Variants in WDR25 observed in about 807,000 individuals in gnomAD.
WDR25 encodes the protein WD repeat domain 25.
In WDR25, 35 loss-of-function variants were observed where a neutral mutation model predicts 47.7. The ratio of observed to expected loss-of-function variants is 0.73; its 90% CI spans 0.56 to 0.97. The LOEUF is 0.97. Among genes scored for constraint, WDR25 ranks in the 50% least tolerant of loss-of-function variants. The probability of loss-of-function intolerance (pLI) is 0.00; values close to 1 mark genes in which losing one functional copy is unlikely to be tolerated. For missense variants in WDR25, 634 were observed against 704.7 expected, an observed-to-expected ratio of 0.90 and a Z score of 1.14; for synonymous variants, 248 against 278.9, an observed-to-expected ratio of 0.89 and a Z score of 1.10.
chr14:100,490,331 C>G (rs193207933), intron 4 of WDR25, among the ~76,000 whole-genome samples: 1 of 152,388 alleles, frequency 6.6e-6, no homozygotes, highest in East Asian at 1.9e-4. Flanking sequence ...GCATGAATGA[C>G]TGATAGCTCT....
intron 2 of WDR25, among the ~76,000 whole-genome samples, chr14:100,415,162 C>T (rs1227741620): frequency 1.3e-5 from 2 of 152,088 alleles, no homozygotes; most frequent in South Asian, 4.2e-4. Flanking sequence ...GCTTAAGCTA[C>T]TAAGGATGAG....
In WDR25 at chr14:100,449,892, C is replaced by A. The variant is rs1295626588; in HGVS notation, c.823-18129C>A. On this transcript the variant is annotated intron_variant, in intron 2 of 6. Transcript: ENST00000402312. This position sits in a 1 kb window ranked among gnomAD's most constrained non-coding sequence, Gnocchi z 4.2. ...GCTGTTACGCCATGTGCCACGACAC[C>A]CTGCCTTCTCCCCTGCTCCCCTTCT... Among the ~76,000 whole-genome samples, 1 of 152,118 alleles carries A rather than the reference C, an allele frequency of 6.6e-6. No individual in the cohort carries two copies. The highest frequency in any genetic ancestry group is 1.5e-5 in the Non-Finnish European group (1 of 67,998).
chr14:100,380,979 G>A lies in WDR25; in HGVS notation c.55G>A (p.Asp19Asn), dbSNP rs775979746. The change falls in exon 2 of 7, where the codon GAC becomes AAC. Residue 19 changes from aspartate (D) to asparagine (N), a missense_variant. By Grantham distance (23) the Asp-to-Asn change is conservative (BLOSUM62 1). Transcript: ENST00000402312. ...MASLVAYDDS[D>N]SEAETEHAGS... ...TTCATTGGTAGCGTATGATGATTCG[G>A]ACTCGGAGGCTGAGACAGAGCATGC... is the stretch of plus-strand genomic sequence containing the variant. The A allele has an allele frequency of 6.2e-7, 1 of 1,614,218 alleles. No homozygotes were observed. Among genetic ancestry groups the A allele is most frequent in the South Asian group, 1.1e-5 (1 of 91,082 alleles).
chr14:100,457,422 G>A (rs1019842272), intron 2 of WDR25, among the ~76,000 whole-genome samples: 8 of 152,190 alleles, frequency 5.3e-5, no homozygotes, highest in African/African-American at 1.9e-4. Flanking sequence ...GAAAGGAAAA[G>A]CCAAAACCAA....
chr14:100,403,264 A>G (rs1272955084), intron 2 of WDR25, among the ~76,000 whole-genome samples: 1 of 152,162 alleles, frequency 6.6e-6, no homozygotes, highest in African/African-American at 2.4e-5. Context: ...TCATCTCTGG[A>G]TCCTAGGGAG....
In WDR25 at chr14:100,381,497, A is replaced by T; in HGVS notation, c.573A>T (p.Thr191=). 6.2e-7 allele frequency: 1 copy of T among 1,614,196 alleles called. No individual in the cohort carries two copies. The highest frequency in any genetic ancestry group is 8.5e-7 in the Non-Finnish European group (1 of 1,180,028). ...LRQRQALSTE[T]GKGKDVEPQG... is the part of the protein sequence containing the mutation. The stretch of plus-strand genomic sequence containing the variant: ...AGCGGCAGGCATTAAGCACGGAGAC[A>T]GGCAAGGGTAAAGACGTGGAGCCAC... Residue 191 remains threonine, a synonymous_variant, in exon 2 of 7, where the codon ACA becomes ACT. Coordinates refer to ENST00000402312, the MANE Select transcript of WDR25 (RefSeq NM_001161476.3).
At chr14:100,448,759 A>G (rs530245983) in intron 2 of WDR25, among the ~76,000 whole-genome samples, 1 of 152,160 alleles carries the variant, frequency 6.6e-6, no homozygotes, top group Admixed American at 6.5e-5. Context: ...CAGGGCAATG[A>G]CTGGAGGTGG....
At chr14:100,396,806 T>C (rs1595498328) in intron 2 of WDR25, among the ~76,000 whole-genome samples, 1 of 151,954 alleles carries the variant, frequency 6.6e-6, no homozygotes. Flanking sequence ...ACTGCCAGAG[T>C]TGTTTTGCTC....
chr14:100,394,237 TGAG>T (rs924723513), intron 2 of WDR25, among the ~76,000 whole-genome samples: 16 of 152,300 alleles, frequency 1.1e-4, no homozygotes, highest in African/African-American at 3.4e-4. Context: ...AGCAGACTCT[TGAG>T]GAGCTCAGGT....
chr14:100,518,094 C>G (rs1901568885), intron 4 of WDR25, among the ~76,000 whole-genome samples: 1 of 152,168 alleles, frequency 6.6e-6, no homozygotes, highest in Non-Finnish European at 1.5e-5. Context: ...CCCTGAAGCT[C>G]CAAGTTTTCC....
chr14:100,496,374 G>A lies in WDR25; in HGVS notation c.1101+12250G>A, dbSNP rs545245256. Reference sequence around the variant, plus strand: ...GTCTCCTCTTTCATTCCTGATAATGGTATTTGTGTCTTTTTACTCAGTCAT... The same window carrying A: ...GTCTCCTCTTTCATTCCTGATAATGATATTTGTGTCTTTTTACTCAGTCAT... On this transcript the variant is annotated intron_variant, in intron 4 of 6. Transcript: ENST00000402312. 3.2e-4 allele frequency among the ~76,000 whole-genome samples: 48 copies of A among 152,098 alleles called. 1 individual carries two copies. Among genetic ancestry groups the A allele is most frequent in the African/African-American group, 1.1e-3 (45 of 41,490 alleles).
rs1024517442 is a variant in WDR25 at position 100,529,276 on chromosome 14, A to G, written c.1413+68A>G. 1.2e-6 allele frequency: 2 copies of G among 1,601,920 alleles called. No homozygotes were observed. The highest frequency in any genetic ancestry group is 1.7e-6 in the Non-Finnish European group (2 of 1,175,042). ...CCCAAGCCTCCTGGCAGTCCTGGACATGGGCCCTGGGGTGCATGGAGCCTC... is the reference window on the plus strand; with the variant it reads ...CCCAAGCCTCCTGGCAGTCCTGGACGTGGGCCCTGGGGTGCATGGAGCCTC... On this transcript the variant is annotated intron_variant, in intron 6 of 6. Coordinates refer to ENST00000402312, the MANE Select transcript of WDR25 (RefSeq NM_001161476.3). The surrounding 1 kb of genome is among the most constrained non-coding windows in gnomAD (Gnocchi z 5.1).
At chr14:100,379,753 CT>C (rs1388296117) in intron 1 of WDR25, among the ~76,000 whole-genome samples, 1 of 147,562 alleles carries the variant, frequency 6.8e-6, no homozygotes, top group Non-Finnish European at 1.5e-5. Context: ...TTTAATTTTA[CT>C]TTTTTGAGAC....
intron 3 of WDR25, among the ~76,000 whole-genome samples, chr14:100,474,911 T>C (rs1899966703): frequency 6.6e-6 from 1 of 152,210 alleles, no homozygotes; most frequent in Non-Finnish European, 1.5e-5. Flanking sequence ...GGGGCTAATA[T>C]GGAAAATGCA....
At chr14:100,485,116 G>A (rs1900338966) in intron 4 of WDR25, among the ~76,000 whole-genome samples, 1 of 151,986 alleles carries the variant, frequency 6.6e-6, no homozygotes, top group Non-Finnish European at 1.5e-5. Context: ...CCTGTCTCAG[G>A]GCCTTTGCAC....
intron 3 of WDR25, among the ~76,000 whole-genome samples, chr14:100,481,723 G>T (rs1239956256): frequency 1.3e-5 from 2 of 152,062 alleles, no homozygotes; most frequent in Non-Finnish European, 2.9e-5. Flanking sequence ...CTTGGTCATT[G>T]CTCTCCCTGT....
At chr14:100,389,183 C>G (rs1365919376) in intron 2 of WDR25, among the ~76,000 whole-genome samples, 3 of 152,158 alleles carry the variant, frequency 2.0e-5, no homozygotes, top group African/African-American at 7.2e-5. Context: ...AAGAAAATGG[C>G]AGAAATTAAA....
intron 2 of WDR25, among the ~76,000 whole-genome samples, chr14:100,453,655 C>CCACCATTGG: frequency 6.6e-6 from 1 of 152,238 alleles, no homozygotes; most frequent in East Asian, 1.9e-4. Context: ...CATTGTACTC[C>CCACCATTGG]CACCATTGGA....
chr14:100,528,931 G>T (rs2030325502), intron 5 of WDR25, 137 bp from the exon 6 acceptor site: 5 of 1,002,030 alleles, frequency 5.0e-6, no homozygotes, highest in Non-Finnish European at 6.9e-6. Context: ...CACCAAGCTT[G>T]TGGTGATTTG....
Sources: allele counts gnomAD v4.1 joint callset (sites outside exome capture counted in the v4.1 genomes callset), GRCh38; gene constraint gnomAD v4.1.1; non-coding constraint Gnocchi (gnomAD v3.1); transcripts MANE v1.5; gene names NCBI Gene and HGNC (gene_info 2026-07-23, HGNC 2026-07-21).